Variants in CTNND2 observed in about 807,000 individuals in gnomAD.
CTNND2 encodes the protein catenin delta 2, also known as catenin delta-2.
A neutral mutation model predicts 144.4 loss-of-function variants in CTNND2; 22 were observed. That is an observed-to-expected ratio of 0.15 (90% CI 0.11 to 0.22). The LOEUF is 0.22. Ranked by LOEUF, CTNND2 falls within the 10% of genes least tolerant of loss-of-function variation. The probability of loss-of-function intolerance (pLI) is 1.00; values close to 1 mark genes in which losing one functional copy is unlikely to be tolerated. For synonymous variants in CTNND2, 751 were observed against 695.6 expected (o/e 1.08, Z -1.25); for missense variants, 1,353 against 1,618.8 (o/e 0.84, Z 2.82).
In CTNND2 at chr5:11,903,477, G is replaced by T; in HGVS notation, c.37+340C>A. The T allele has an allele frequency of 1.6e-6, 1 of 643,726 alleles. No homozygotes were observed. The allele number at this position is 643,726 out of a possible 1,614,324, so 39.9% of individuals were successfully genotyped here. ...ATATTAGGGACGTCATGAATGCACC[G>T]AGTATGTTCTCAGGGTGGCGGGGAG... On this transcript the variant is annotated intron_variant, in intron 1 of 21. Coordinates refer to ENST00000304623, the MANE Select transcript of CTNND2 (RefSeq NM_001332.4). This position sits in a 1 kb window ranked among gnomAD's most constrained non-coding sequence, Gnocchi z 5.4.
intron 2 of CTNND2, among the ~76,000 whole-genome samples, chr5:11,688,156 T>C (rs1004873161): frequency 6.6e-6 from 1 of 152,152 alleles, no homozygotes; most frequent in Non-Finnish European, 1.5e-5. Flanking sequence ...CCACTGGCTA[T>C]TACTACTTAT....
intron 5 of CTNND2, among the ~76,000 whole-genome samples, chr5:11,401,772 A>G (rs917419375): frequency 1.6e-4 from 25 of 152,210 alleles, no homozygotes; most frequent in Non-Finnish European, 2.1e-4. Flanking sequence ...GCCTGGGGTT[A>G]AACAAAAATA....
At chr5:11,789,569 T>A (rs75269624) in intron 1 of CTNND2, among the ~76,000 whole-genome samples, 3 of 152,308 alleles carry the variant, frequency 2.0e-5, no homozygotes, top group East Asian at 1.9e-4. Context: ...TTGATTTTTG[T>A]ATTTTGAGAT....
intron 16 of CTNND2, among the ~76,000 whole-genome samples, chr5:11,081,717 GAA>G (rs1749591113): frequency 6.6e-6 from 1 of 152,140 alleles, no homozygotes; most frequent in Non-Finnish European, 1.5e-5. Flanking sequence ...TATGCTAAGT[GAA>G]AAAAGTCAGA....
intron 5 of CTNND2, among the ~76,000 whole-genome samples, chr5:11,411,044 T>C (rs1329220289): frequency 1.3e-5 from 2 of 152,106 alleles, no homozygotes; most frequent in African/African-American, 2.4e-5. Flanking sequence ...GCTAGTTTTT[T>C]TGTAGTTTTA....
At chr5:11,112,720 G>C (rs1430712081) in intron 13 of CTNND2, among the ~76,000 whole-genome samples, 3 of 152,248 alleles carry the variant, frequency 2.0e-5, no homozygotes, top group Non-Finnish European at 4.4e-5. Context: ...CAGAGGATGG[G>C]ATCTAGGGCT....
intron 2 of CTNND2, among the ~76,000 whole-genome samples, chr5:11,711,037 C>T (rs1035791386): frequency 1.3e-5 from 2 of 152,088 alleles, no homozygotes; most frequent in African/African-American, 4.8e-5. Context: ...CACTGAGATT[C>T]CCATTCTTCT....
chr5:11,814,525 G>A (rs1792521567), intron 1 of CTNND2, among the ~76,000 whole-genome samples: 2 of 152,228 alleles, frequency 1.3e-5, no homozygotes, highest in African/African-American at 4.8e-5. Flanking sequence ...CATGTGGTGA[G>A]CCAGGTTGGA....
chr5:11,635,612 C>T (rs1431283176), intron 2 of CTNND2, among the ~76,000 whole-genome samples: 5 of 152,304 alleles, frequency 3.3e-5, no homozygotes, highest in Admixed American at 1.3e-4. Flanking sequence ...GATATTCTAA[C>T]GAAATATGCA....
At chr5:11,871,513 C>T (rs961422428) in intron 1 of CTNND2, among the ~76,000 whole-genome samples, 2 of 152,100 alleles carry the variant, frequency 1.3e-5, no homozygotes, top group South Asian at 4.1e-4. Context: ...ATATTAGAGG[C>T]AGCCTATCTG....
chr5:11,820,384 G>A (rs1793246813), intron 1 of CTNND2, among the ~76,000 whole-genome samples: 1 of 152,118 alleles, frequency 6.6e-6, no homozygotes, highest in Non-Finnish European at 1.5e-5. Context: ...TGGTGCCGGG[G>A]AACACGACTG....
Position 11,031,773 on chromosome 5 carries a change from C to T in CTNND2, c.2789-8794G>A, listed in dbSNP as rs142534440. Among the ~76,000 whole-genome samples, 892 of 152,266 alleles carry T rather than the reference C, an allele frequency of 5.9e-3. 5 individuals carry two copies. The highest frequency in any genetic ancestry group is 0.034 in the Middle Eastern group (10 of 294). ...GGCTTGCTGAACCTTCTGGCTTTCACCTTTCTCCCATGCTGGATGCTTCTT... is the reference window on the plus strand; with the variant it reads ...GGCTTGCTGAACCTTCTGGCTTTCATCTTTCTCCCATGCTGGATGCTTCTT... On this transcript the variant is annotated intron_variant, in intron 16 of 21. Coordinates refer to ENST00000304623, the MANE Select transcript of CTNND2 (RefSeq NM_001332.4).
chr5:11,752,861 T>G (rs1788705598), intron 1 of CTNND2, among the ~76,000 whole-genome samples: 1 of 151,882 alleles, frequency 6.6e-6, no homozygotes, highest in African/African-American at 2.4e-5. Flanking sequence ...CTTTCAGCAG[T>G]ATTTTGTAAT....
chr5:11,083,796 C>G (rs1749848484), intron 15 of CTNND2: 1 of 650,180 alleles, frequency 1.5e-6, no homozygotes, highest in South Asian at 3.5e-5. Context: ...TCCTGGGGAC[C>G]AGTCCTTTCC....
chr5:11,826,961 G>T (rs747261306), intron 1 of CTNND2, among the ~76,000 whole-genome samples: 18 of 151,964 alleles, frequency 1.2e-4, no homozygotes, highest in Non-Finnish European at 1.6e-4. Context: ...CTACACAACG[G>T]TATCAATGAA....
Position 11,011,849 on chromosome 5 carries a change from A to G in CTNND2, c.3084+6125T>C, listed in dbSNP as rs568291223. On this transcript the variant is annotated intron_variant, in intron 18 of 21. Transcript: ENST00000304623. ...ATGGGACTCTGTTTCCTATAGGAAT[A>G]TCGCTAGCAGGCAGAGCTGCATGGG... 1.0e-3 allele frequency among the ~76,000 whole-genome samples: 155 copies of G among 152,286 alleles called. 1 individual carries two copies. The highest frequency in any genetic ancestry group is 3.6e-3 in the African/African-American group (151 of 41,554).
intron 2 of CTNND2, among the ~76,000 whole-genome samples, chr5:11,714,854 A>C (rs1004063325): frequency 6.6e-6 from 1 of 151,440 alleles, no homozygotes; most frequent in African/African-American, 2.4e-5. Context: ...CAGAGCTTGC[A>C]GTGAGCCGAG....
intron 3 of CTNND2, among the ~76,000 whole-genome samples, chr5:11,499,144 T>A (rs1770285224): frequency 6.6e-6 from 1 of 152,170 alleles, no homozygotes; most frequent in Non-Finnish European, 1.5e-5. Context: ...TTTGAGGGAA[T>A]AAACACCTTT....
chr5:11,290,045 C>T lies in CTNND2; in HGVS notation c.1629-53222G>A, dbSNP rs1748159805. On this transcript the variant is annotated intron_variant, in intron 9 of 21. Coordinates refer to ENST00000304623, the MANE Select transcript of CTNND2 (RefSeq NM_001332.4). ...ACTACAAGGATCGAGTATAGAGCAA[C>T]ACATTTTCCGGAAGACAAGGAGGTA... Among the ~76,000 whole-genome samples, 3 of 152,258 alleles carry T rather than the reference C, an allele frequency of 2.0e-5. No homozygotes were observed. In the East Asian group the frequency reaches 5.8e-4, roughly 29 times the overall value.
Sources: gnomAD v4.1 joint callset for allele counts (sites outside exome capture counted in the v4.1 genomes callset) on GRCh38, gnomAD v4.1.1 for gene constraint, Gnocchi (gnomAD v3.1) non-coding constraint, MANE v1.5 for transcripts, NCBI Gene and HGNC (gene_info 2026-07-23, HGNC 2026-07-21) for gene names.